EYS: variants seen among roughly 807,000 people sequenced by gnomAD.
EYS encodes the protein protein eyes shut homolog.
In EYS, 250 loss-of-function variants were observed where a neutral mutation model predicts 282.1. That is an observed-to-expected ratio of 0.89 (90% CI 0.80 to 0.98). The LOEUF (loss-of-function observed/expected upper bound fraction) is 0.98. Ranked by LOEUF, EYS falls within the 50% of genes least tolerant of loss-of-function variation. The pLI, the probability that EYS is intolerant of heterozygous loss-of-function variation, is 0.00. For synonymous variants in EYS, 1,355 were observed against 1,282.9 expected, an observed-to-expected ratio of 1.06 and a Z score of -1.20; for missense variants, 4,016 against 3,709.0, an observed-to-expected ratio of 1.08 and a Z score of -2.15.
At chr6:64,071,692 C>T (rs1003467304) in intron 32 of EYS, among the ~76,000 whole-genome samples, 29 of 146,892 alleles carry the variant, frequency 2.0e-4, no homozygotes, top group Admixed American at 1.9e-3. Flanking sequence ...CCTCCTGATG[C>T]TAAATGACAT....
chr6:65,088,117 C>A (rs1459154120), intron 12 of EYS, among the ~76,000 whole-genome samples: 4 of 152,132 alleles, frequency 2.6e-5, no homozygotes, highest in Admixed American at 2.6e-4. Context: ...AGCTGTGAGT[C>A]AATTAAACTT....
intron 2 of EYS, among the ~76,000 whole-genome samples, chr6:65,564,147 T>C (rs1193480793): frequency 6.6e-6 from 1 of 152,012 alleles, no homozygotes; most frequent in Non-Finnish European, 1.5e-5. Context: ...GGAAAAACAT[T>C]GCGTGCTCAT....
At chr6:65,068,542 C>G (rs970751843) in intron 12 of EYS, among the ~76,000 whole-genome samples, 1 of 151,980 alleles carries the variant, frequency 6.6e-6, no homozygotes, top group Non-Finnish European at 1.5e-5. Context: ...ATCAGGAAAG[C>G]AGAGAGTAGT....
At chr6:65,118,916 A>C (rs904294741) in intron 12 of EYS, among the ~76,000 whole-genome samples, 2 of 151,878 alleles carry the variant, frequency 1.3e-5, no homozygotes, top group Non-Finnish European at 2.9e-5. Flanking sequence ...TTCTATGCCC[A>C]ATCAAGTTGT....
chr6:63,763,771 G>T (rs1177862685), intron 40 of EYS, among the ~76,000 whole-genome samples: 2 of 151,230 alleles, frequency 1.3e-5, no homozygotes, highest in Admixed American at 6.6e-5. Context: ...CCAGTTTCAA[G>T]TATGTCTTTA....
intron 2 of EYS, among the ~76,000 whole-genome samples, chr6:65,516,563 G>C (rs1767141923): frequency 6.6e-6 from 1 of 152,090 alleles, no homozygotes; most frequent in Non-Finnish European, 1.5e-5. Flanking sequence ...TTTCAGTATA[G>C]AGTGAGATAA....
At chr6:64,092,726 T>A (rs1005184718) in intron 31 of EYS, among the ~76,000 whole-genome samples, 4 of 151,892 alleles carry the variant, frequency 2.6e-5, no homozygotes, top group Non-Finnish European at 5.9e-5. Context: ...TGATGGTAGT[T>A]TCTTTTGCTG....
At chr6:65,347,829 A>G (rs1770458491) in intron 9 of EYS, among the ~76,000 whole-genome samples, 1 of 151,454 alleles carries the variant, frequency 6.6e-6, no homozygotes, top group South Asian at 2.1e-4. Context: ...TACTAATTAT[A>G]TCTAATTATA....
chr6:63,908,329 G>A (rs780561344), intron 35 of EYS, among the ~76,000 whole-genome samples: 2 of 151,948 alleles, frequency 1.3e-5, no homozygotes, highest in Non-Finnish European at 2.9e-5. Flanking sequence ...TGATGAGGAT[G>A]CAGAGAAAAG....
chr6:64,694,561 A>G (rs1168208221), intron 22 of EYS, among the ~76,000 whole-genome samples: 1 of 152,130 alleles, frequency 6.6e-6, no homozygotes. Context: ...ATGCCAATAG[A>G]AGACCATTCT....
At chr6:64,184,399 G>C (rs913569675) in intron 31 of EYS, among the ~76,000 whole-genome samples, 1 of 152,110 alleles carries the variant, frequency 6.6e-6, no homozygotes, top group East Asian at 1.9e-4. Context: ...TTTTTCAAAA[G>C]TAAAGTAGGT....
At position 64,488,933 on chromosome 6, in the gene EYS, C is replaced by G. The variant is rs188317705; in HGVS notation, c.5645-49581G>C. ...GTATGGTGCCAGGCACATAGTAAAC[C>G]TTTAGGAATTATTTGATATTATTTA... On this transcript the variant is annotated intron_variant, in intron 26 of 42. Coordinates refer to ENST00000503581, the MANE Select transcript of EYS (RefSeq NM_001142800.2). Among the ~76,000 whole-genome samples, 425 of 150,886 alleles carry G rather than the reference C, an allele frequency of 2.8e-3. 1 individual carries two copies. Among genetic ancestry groups the G allele is most frequent in the Non-Finnish European group, 3.7e-3 (246 of 67,164 alleles).
At chr6:63,839,372 G>A (rs761836328) in intron 36 of EYS, among the ~76,000 whole-genome samples, 2 of 152,136 alleles carry the variant, frequency 1.3e-5, no homozygotes, top group Non-Finnish European at 2.9e-5. Flanking sequence ...GTTTATCTAT[G>A]TTGCTGCAAA....
At chr6:63,778,287 A>T (rs1770118587) in intron 39 of EYS, 107 bp from the exon 40 acceptor site, 1 of 1,146,082 alleles carries the variant, frequency 8.7e-7, no homozygotes, top group East Asian at 2.6e-5. Context: ...AAATAAAGTA[A>T]TACATGTAAA....
chr6:64,062,997 C>T (rs80059369), intron 33 of EYS, among the ~76,000 whole-genome samples: 3,579 of 152,262 alleles, frequency 0.024, 52 homozygotes, highest in Non-Finnish European at 0.035. Flanking sequence ...CTGGAGCATT[C>T]GATAAACTTT....
At chr6:63,901,730 T>A (rs117990252) in intron 35 of EYS, among the ~76,000 whole-genome samples, 2 of 152,144 alleles carry the variant, frequency 1.3e-5, no homozygotes, top group East Asian at 3.9e-4. Flanking sequence ...AAGTTGAATA[T>A]CCCTTATCCG....
At chr6:65,292,546 A>G (rs553896453) in intron 12 of EYS, among the ~76,000 whole-genome samples, 1 of 151,912 alleles carries the variant, frequency 6.6e-6, no homozygotes, top group East Asian at 1.9e-4. Context: ...GAAGGCACCT[A>G]GAAGTTTCTC....
chr6:65,373,296 A>G (rs990675927), intron 8 of EYS, among the ~76,000 whole-genome samples: 1 of 152,160 alleles, frequency 6.6e-6, no homozygotes, highest in African/African-American at 2.4e-5. Flanking sequence ...TAATGTTTCC[A>G]TCAAACCAAA....
At chr6:64,738,031 A>C (rs1446817015) in intron 22 of EYS, among the ~76,000 whole-genome samples, 1 of 147,358 alleles carries the variant, frequency 6.8e-6, no homozygotes, top group Non-Finnish European at 1.5e-5. Flanking sequence ...AAAGGTATAG[A>C]GGTTGGTAGC....
Sources: gnomAD v4.1 joint callset for allele counts (sites outside exome capture counted in the v4.1 genomes callset) on GRCh38, gnomAD v4.1.1 for gene constraint, MANE v1.5 for transcripts, NCBI Gene and HGNC (gene_info 2026-07-23, HGNC 2026-07-21) for gene names.